Variants in CALD1 observed in about 807,000 individuals in gnomAD.
CALD1 encodes caldesmon 1, also known as caldesmon.
CALD1 carries 33 observed loss-of-function variants against 99.9 expected under a neutral mutation model. The observed-to-expected ratio is 0.33, with a 90% CI of 0.25 to 0.44. CALD1 has a LOEUF of 0.44. Among genes scored for constraint, CALD1 ranks in the 20% least tolerant of loss-of-function variants. The probability of loss-of-function intolerance (pLI) is 1.00; values close to 1 mark genes in which losing one functional copy is unlikely to be tolerated. For synonymous variants in CALD1, 310 were observed against 325.0 expected (o/e 0.95, Z 0.50); for missense variants, 861 against 962.1 (o/e 0.89, Z 1.39).
Position 134,960,521 on chromosome 7 carries a change from G to T in CALD1, c.2200-12G>T. 2 of 1,542,938 alleles carry T rather than the reference G, an allele frequency of 1.3e-6. No individual in the cohort carries two copies. Among genetic ancestry groups the T allele is most frequent in the Non-Finnish European group, 1.8e-6 (2 of 1,117,416 alleles). On this transcript the variant is annotated splice_polypyrimidine_tract_variant and intron_variant, in intron 12 of 14. Coordinates refer to ENST00000361675, the MANE Select transcript of CALD1 (RefSeq NM_033138.4). ...TCATTCTTTAATATTTTGGATGATT[G>T]CCCCTTTGTAGGAAACTGCTGGCTT...
chr7:134,720,552 T>C, the CALD1 span, among the ~76,000 whole-genome samples: 1 of 152,178 alleles, frequency 6.6e-6, no homozygotes, highest in Non-Finnish European at 1.5e-5. Context: ...TGGCCCCAGA[T>C]TCCAACGCTT....
At chr7:134,891,745 T>TA (rs10607357) in intron 3 of CALD1, 13,133 of 425,568 alleles carry the variant, frequency 0.031, 227 homozygotes, top group Middle Eastern at 0.043. Context: ...CGAATTGTTG[T>TA]AAAAAAAAAA....
intron 2 of CALD1, among the ~76,000 whole-genome samples, chr7:134,857,609 C>A (rs1218545197): frequency 6.6e-6 from 1 of 152,044 alleles, no homozygotes; most frequent in Non-Finnish European, 1.5e-5. Flanking sequence ...AAAGAGGAAG[C>A]AATCTAAGTA....
At chr7:134,847,092 C>T (rs974554989) in intron 2 of CALD1, among the ~76,000 whole-genome samples, 3 of 152,090 alleles carry the variant, frequency 2.0e-5, no homozygotes, top group Admixed American at 6.5e-5. Context: ...CCTATGAGCA[C>T]GTAAAAGAAG....
At chr7:134,720,761 T>C in the CALD1 span, among the ~76,000 whole-genome samples, 1 of 152,122 alleles carries the variant, frequency 6.6e-6, no homozygotes, top group Non-Finnish European at 1.5e-5. Flanking sequence ...GAATGAAGGG[T>C]CTTCAAGCTA....
chr7:134,755,259 C>A (rs536126681), intron 1 of CALD1, among the ~76,000 whole-genome samples: 24 of 152,304 alleles, frequency 1.6e-4, no homozygotes, highest in Admixed American at 3.9e-4. Context: ...CCTCAGCCTC[C>A]CAAAGTGCTG....
chr7:134,836,049 GCAGGAGAAT>G (rs1799422275), intron 1 of CALD1, among the ~76,000 whole-genome samples: 1 of 150,782 alleles, frequency 6.6e-6, no homozygotes, highest in Non-Finnish European at 1.5e-5. Context: ...GGAAGCTGAA[GCAGGAGAAT>G]CACTTGAACC....
chr7:134,879,080 C>A (rs1265540160), intron 3 of CALD1, among the ~76,000 whole-genome samples: 1 of 152,232 alleles, frequency 6.6e-6, no homozygotes, highest in African/African-American at 2.4e-5. Context: ...TCTGCATTTG[C>A]AGCTGTCATT....
At chr7:134,770,118 A>G (rs1796865379) in intron 1 of CALD1, among the ~76,000 whole-genome samples, 1 of 152,154 alleles carries the variant, frequency 6.6e-6, no homozygotes, top group Admixed American at 6.5e-5. Context: ...TTCTCTTTGT[A>G]AAAAGAAAAA....
chr7:134,719,637 T>A, the CALD1 span, among the ~76,000 whole-genome samples: 41 of 151,870 alleles, frequency 2.7e-4, no homozygotes, highest in African/African-American at 9.4e-4. Context: ...ACAGGAAGAG[T>A]GTAGCTGGGC....
At chr7:134,923,541 A>C (rs1804768760) in intron 3 of CALD1, among the ~76,000 whole-genome samples, 1 of 152,244 alleles carries the variant, frequency 6.6e-6, no homozygotes, top group African/African-American at 2.4e-5. Context: ...TTTTCACAGA[A>C]GGAACAAATG....
At chr7:134,853,900 C>G (rs1212370930) in intron 2 of CALD1, among the ~76,000 whole-genome samples, 1 of 98,476 alleles carries the variant, frequency 1.0e-5, no homozygotes, top group Non-Finnish European at 1.8e-5. Flanking sequence ...GTGTGATGTT[C>G]CCCTCCCTGT....
chr7:134,953,980 C>T (rs889474846), intron 9 of CALD1, among the ~76,000 whole-genome samples: 3 of 152,144 alleles, frequency 2.0e-5, no homozygotes, highest in Admixed American at 2.0e-4. Context: ...CTTGCTGTGA[C>T]TCTGATTTTC....
chr7:134,715,705 G>A, the CALD1 span, among the ~76,000 whole-genome samples: 5 of 152,160 alleles, frequency 3.3e-5, no homozygotes, highest in Non-Finnish European at 5.9e-5. Context: ...AAGTGGGAAT[G>A]GGATAATTAT....
At chr7:134,885,389 A>G (rs899139759) in intron 3 of CALD1, among the ~76,000 whole-genome samples, 3 of 152,190 alleles carry the variant, frequency 2.0e-5, no homozygotes, top group African/African-American at 4.8e-5. Flanking sequence ...TTATTTCTCT[A>G]GCAATAGGAG....
chr7:134,895,295 T>C (rs1331706286), intron 3 of CALD1, among the ~76,000 whole-genome samples: 1 of 119,408 alleles, frequency 8.4e-6, no homozygotes, highest in Admixed American at 9.9e-5. Context: ...GTTTTATATA[T>C]GTATGTGTGT....
At position 134,960,054 on chromosome 7, in the gene CALD1, T is replaced by C; in HGVS notation, c.2142T>C (p.Ser714=). The C allele has an allele frequency of 6.2e-7, 1 of 1,613,966 alleles. No homozygotes were observed. Among genetic ancestry groups the C allele is most frequent in the African/African-American group, 1.3e-5 (1 of 74,972 alleles). The change falls in exon 12 of 15, where the codon AGT becomes AGC. Residue 714 remains serine, a synonymous_variant. Transcript: ENST00000361675. ...VPAEGVRNIK[S]MWEKGNVFSS... ...CTGAAGGTGTACGCAACATCAAGAG[T>C]ATGTGGGAGAAAGGGAATGTGTTTT...
intron 1 of CALD1, among the ~76,000 whole-genome samples, chr7:134,805,021 C>G (rs1017318912): frequency 2.0e-5 from 3 of 152,090 alleles, no homozygotes; most frequent in Non-Finnish European, 4.4e-5. Context: ...TTGGTCGGGT[C>G]GGAGATGAAA....
intron 7 of CALD1, among the ~76,000 whole-genome samples, chr7:134,944,083 T>C (rs1431826094): frequency 6.6e-6 from 1 of 152,134 alleles, no homozygotes; most frequent in Non-Finnish European, 1.5e-5. Flanking sequence ...GAGAGCAAAC[T>C]CATTTTTGGA....
Sources: gnomAD v4.1 joint callset for allele counts (sites outside exome capture counted in the v4.1 genomes callset) on GRCh38, gnomAD v4.1.1 for gene constraint, MANE v1.5 for transcripts, NCBI Gene and HGNC (gene_info 2026-07-23, HGNC 2026-07-21) for gene names.